The following ZNF536 variants were observed in gnomAD, a reference collection of about 807,000 sequenced individuals.
ZNF536 encodes zinc finger protein 536.
A neutral mutation model predicts 84.5 loss-of-function variants in ZNF536; 13 were observed. That is an observed-to-expected ratio of 0.15 (90% CI 0.10 to 0.24). ZNF536 has a LOEUF of 0.24. Among genes scored for constraint, ZNF536 ranks in the 10% least tolerant of loss-of-function variants. ZNF536 has a pLI of 1.00. For synonymous variants in ZNF536, 811 were observed against 742.5 expected (o/e 1.09, Z -1.50); for missense variants, 1,536 against 1,747.5 (o/e 0.88, Z 2.16).
At chr19:30,509,777 A>G (rs1223494455) in intron 2 of ZNF536, among the ~76,000 whole-genome samples, 2 of 152,200 alleles carry the variant, frequency 1.3e-5, no homozygotes, top group East Asian at 3.8e-4. Context: ...TGACTTCTAG[A>G]CTTGTTCACC....
intron 1 of ZNF536, among the ~76,000 whole-genome samples, chr19:30,401,539 T>C (rs1433254786): frequency 2.6e-5 from 4 of 152,262 alleles, no homozygotes. Context: ...CAGACACTAC[T>C]GTTTTGGGTC....
At chr19:30,305,574 A>G (rs1464067045) in intron 2 of ZNF536, among the ~76,000 whole-genome samples, 1 of 152,110 alleles carries the variant, frequency 6.6e-6, no homozygotes, top group Non-Finnish European at 1.5e-5. Context: ...CATCACTGAG[A>G]AGCTGCAGGG....
intron 1 of ZNF536, among the ~76,000 whole-genome samples, chr19:30,393,430 A>G (rs896612052): frequency 6.6e-6 from 1 of 152,220 alleles, no homozygotes; most frequent in Non-Finnish European, 1.5e-5. Flanking sequence ...AGATAGGATG[A>G]TGAGTGAAAT....
chr19:30,285,142 T>C (rs1776009476), intron 2 of ZNF536, among the ~76,000 whole-genome samples: 1 of 152,246 alleles, frequency 6.6e-6, no homozygotes, highest in East Asian at 1.9e-4. Flanking sequence ...TACCATTATA[T>C]TACCTTAGTA....
chr19:30,240,987 T>A (rs1193406113), intron 1 of ZNF536, among the ~76,000 whole-genome samples: 1 of 152,160 alleles, frequency 6.6e-6, no homozygotes, highest in Non-Finnish European at 1.5e-5. Flanking sequence ...TGGGCTCTCA[T>A]GGAGCTTCCA....
chr19:30,662,906 A>G (rs543199633), intron 1 of ZNF536, among the ~76,000 whole-genome samples: 4 of 151,680 alleles, frequency 2.6e-5, no homozygotes, highest in East Asian at 1.9e-4. Context: ...TCCTCCTTAA[A>G]GAAAAAAGGG....
chr19:30,704,520 AC>A (rs1237496292), intron 1 of ZNF536, among the ~76,000 whole-genome samples: 1 of 151,828 alleles, frequency 6.6e-6, no homozygotes, highest in Non-Finnish European at 1.5e-5. Context: ...GGTAGCAGGC[AC>A]CTGTAATCCC....
chr19:30,543,201 A>T (rs775826585), intron 3 of ZNF536, among the ~76,000 whole-genome samples: 1 of 152,210 alleles, frequency 6.6e-6, no homozygotes, highest in Non-Finnish European at 1.5e-5. Context: ...GCTGTTTTGC[A>T]TACTCATCTG....
At chr19:30,277,428 G>A (rs1568297606) in intron 1 of ZNF536, among the ~76,000 whole-genome samples, 1 of 152,188 alleles carries the variant, frequency 6.6e-6, no homozygotes, top group South Asian at 2.1e-4. Context: ...AGCTTCTGAT[G>A]TCTGTGTATC....
intron 1 of ZNF536, among the ~76,000 whole-genome samples, chr19:30,594,622 G>A (rs1055600420): frequency 3.0e-4 from 45 of 152,114 alleles, no homozygotes; most frequent in Admixed American, 7.2e-4. Context: ...GGACACCCCC[G>A]TGGAGCCTGC....
At chr19:30,563,444 G>A (rs1006993319) in intron 1 of ZNF536, among the ~76,000 whole-genome samples, 4 of 152,120 alleles carry the variant, frequency 2.6e-5, no homozygotes, top group East Asian at 1.9e-4. Context: ...ATCATCTCTC[G>A]TGGCCAATCG....
At chr19:30,446,320 A>G (rs1195093427) in intron 2 of ZNF536, among the ~76,000 whole-genome samples, 1 of 150,122 alleles carries the variant, frequency 6.7e-6, no homozygotes, top group Non-Finnish European at 1.5e-5. Context: ...GGAGATGGCC[A>G]GGTGGTACAT....
chr19:30,700,248 CTCTCTCTT>C (rs1200283230), intron 1 of ZNF536, among the ~76,000 whole-genome samples: 4 of 103,932 alleles, frequency 3.8e-5, no homozygotes, highest in African/African-American at 1.3e-4. Flanking sequence ...TTCTCTCTCT[CTCTCTCTT>C]TCTTTCTTTC....
Position 30,548,443 on chromosome 19 carries a change from G to C in ZNF536, c.2824G>C (p.Ala942Pro), listed in dbSNP as rs760655959. 1.9e-6 allele frequency: 3 copies of C among 1,614,046 alleles called. No homozygotes were observed. In the African/African-American group the frequency reaches 4.0e-5, roughly 22 times the overall value. Residue 942 changes from alanine to proline, a missense_variant, in exon 4 of 5, where the codon GCT becomes CCT. By Grantham distance (27) the Ala-to-Pro change is conservative. Around this residue, in one of 8 missense-constraint regions of ZNF536, gnomAD observed 624 missense variants for 603.1 expected, o/e 1.03. Transcript: ENST00000355537. ...KEKDMKDKAL[A>P]DPPSMKVHGV... Reference sequence around the variant, plus strand: ...GAAGGACATGAAGGACAAAGCCCTGGCTGACCCCCCTTCCATGAAAGTCCA... The same window carrying C: ...GAAGGACATGAAGGACAAAGCCCTGCCTGACCCCCCTTCCATGAAAGTCCA...
chr19:30,693,731 T>G (rs571689795), intron 1 of ZNF536, among the ~76,000 whole-genome samples: 2 of 152,226 alleles, frequency 1.3e-5, no homozygotes, highest in Non-Finnish European at 2.9e-5. Context: ...AATTTTCTAT[T>G]GTTCACAGTA....
intron 1 of ZNF536, among the ~76,000 whole-genome samples, chr19:30,596,144 G>T (rs1403867570): frequency 6.6e-6 from 1 of 151,912 alleles, no homozygotes; most frequent in Non-Finnish European, 1.5e-5. Context: ...GAGCTATTTT[G>T]GGCAACAATT....
chr19:30,695,356 C>G (rs1230101712), intron 1 of ZNF536, among the ~76,000 whole-genome samples: 2 of 152,198 alleles, frequency 1.3e-5, no homozygotes, highest in Non-Finnish European at 2.9e-5. Context: ...CCAGTCCCTA[C>G]TGTGTGCAGA....
intron 1 of ZNF536, among the ~76,000 whole-genome samples, chr19:30,232,069 T>C (rs1421415104): frequency 7.3e-5 from 11 of 151,586 alleles, no homozygotes; most frequent in South Asian, 4.2e-4. Flanking sequence ...TTTTTTTTTT[T>C]CCCAAAAGAA....
intron 1 of ZNF536, among the ~76,000 whole-genome samples, chr19:30,280,099 CCCAA>C (rs1568299886): frequency 6.6e-6 from 1 of 152,088 alleles, no homozygotes; most frequent in Non-Finnish European, 1.5e-5. Flanking sequence ...CACCTTTCCT[CCCAA>C]CCATCCGCCT....
Sources: gnomAD v4.1 joint callset for allele counts (sites outside exome capture counted in the v4.1 genomes callset) on GRCh38, gnomAD v4.1.1 for gene constraint, gnomAD v4.1.1 regional missense constraint, MANE v1.5 for transcripts, NCBI Gene and HGNC (gene_info 2026-07-23, HGNC 2026-07-21) for gene names.